The following SCD5 variants were observed in gnomAD, a reference collection of about 807,000 sequenced individuals.
The protein encoded by SCD5 is stearoyl-CoA desaturase 5.
Under a neutral mutation model 30.4 loss-of-function variants are expected in SCD5, and 20 were observed. The observed-to-expected ratio is 0.66, with a 90% CI of 0.46 to 0.96. The LOEUF (loss-of-function observed/expected upper bound fraction) is 0.96, where lower values mean the gene tolerates loss of function less well. Among genes scored for constraint, SCD5 ranks in the 40% least tolerant of loss-of-function variants. The pLI is 0.00. For missense variants in SCD5, 381 were observed against 443.3 expected (o/e 0.86, Z 1.26); for synonymous variants, 173 against 176.4 (o/e 0.98, Z 0.16).
intron 1 of SCD5, among the ~76,000 whole-genome samples, chr4:82,761,631 C>A (rs1336986692): frequency 6.6e-6 from 1 of 151,690 alleles, no homozygotes; most frequent in Non-Finnish European, 1.5e-5. Flanking sequence ...GCACATTGTG[C>A]AGGTTAGTTA....
chr4:82,679,258 A>G lies in SCD5; in HGVS notation c.569+1449T>C, dbSNP rs796669840. ...AAAGAAAGAAAGAAAGAAAGAAAGA[A>G]AGAAGGAAGGAAAGAAAGAAAGAAG... is the stretch of plus-strand genomic sequence containing the variant. On this transcript the variant is annotated intron_variant, in intron 3 of 4. Transcript: ENST00000319540. 8.3e-5 allele frequency among the ~76,000 whole-genome samples: 10 copies of G among 120,190 alleles called. 1 individual carries two copies. The highest frequency in any genetic ancestry group is 3.7e-4 in the East Asian group (1 of 2,732). The allele number at this position is 120,190 out of a possible 152,430, so 78.8% of individuals were successfully genotyped here.
chr4:82,688,028 C>A (rs1307188624), intron 2 of SCD5, among the ~76,000 whole-genome samples: 1 of 152,166 alleles, frequency 6.6e-6, no homozygotes, highest in East Asian at 1.9e-4. Context: ...CCTAGCCTAG[C>A]TGGAAACAGT....
chr4:82,669,774 T>C (rs911921244), intron 3 of SCD5, among the ~76,000 whole-genome samples: 1 of 152,200 alleles, frequency 6.6e-6, no homozygotes, highest in African/African-American at 2.4e-5. Flanking sequence ...TACCAGAGTA[T>C]TCTGTTCTTA....
intron 1 of SCD5, among the ~76,000 whole-genome samples, chr4:82,777,695 G>C (rs541522483): frequency 6.6e-6 from 1 of 152,276 alleles, no homozygotes; most frequent in East Asian, 1.9e-4. Flanking sequence ...CTGCTTCTGG[G>C]AAAGTATCTT....
intron 3 of SCD5, among the ~76,000 whole-genome samples, chr4:82,641,000 A>G (rs1353569046): frequency 2.0e-5 from 3 of 152,194 alleles, no homozygotes; most frequent in African/African-American, 7.2e-5. Flanking sequence ...ACCTTGAATG[A>G]ATTATTTAAT....
chr4:82,664,230 C>G (rs1728113267), intron 3 of SCD5, among the ~76,000 whole-genome samples: 1 of 152,116 alleles, frequency 6.6e-6, no homozygotes, highest in African/African-American at 2.4e-5. Flanking sequence ...CTGTGGTGCA[C>G]TAAGGATAAT....
At chr4:82,769,205 C>T (rs992642502) in intron 1 of SCD5, among the ~76,000 whole-genome samples, 1 of 151,786 alleles carries the variant, frequency 6.6e-6, no homozygotes, top group Admixed American at 6.6e-5. Context: ...CCATTCCCAG[C>T]CACTGCCCTG....
At chr4:82,770,696 G>A (rs556596689) in intron 1 of SCD5, among the ~76,000 whole-genome samples, 3 of 152,328 alleles carry the variant, frequency 2.0e-5, no homozygotes, top group South Asian at 4.1e-4. Context: ...GGCTCTTACC[G>A]TTCCTATCTG....
chr4:82,746,632 C>A (rs1370041008), intron 1 of SCD5, among the ~76,000 whole-genome samples: 1 of 151,992 alleles, frequency 6.6e-6, no homozygotes, highest in Non-Finnish European at 1.5e-5. Context: ...TCTGGACAAA[C>A]AAAAGGTGAC....
intron 1 of SCD5, among the ~76,000 whole-genome samples, chr4:82,716,039 C>A (rs888548699): frequency 6.7e-6 from 1 of 149,158 alleles, no homozygotes; most frequent in Non-Finnish European, 1.5e-5. Context: ...TTGTTCAGTA[C>A]AATGATACCA....
intron 3 of SCD5, among the ~76,000 whole-genome samples, chr4:82,653,409 G>A (rs943375836): frequency 2.0e-5 from 3 of 152,108 alleles, no homozygotes. Flanking sequence ...ACATTAGAAG[G>A]TGTTTCCTAA....
chr4:82,722,491 T>C (rs1159170721), intron 1 of SCD5, among the ~76,000 whole-genome samples: 3 of 152,220 alleles, frequency 2.0e-5, no homozygotes, highest in Non-Finnish European at 4.4e-5. Flanking sequence ...CAGCTGGGCA[T>C]GGTAGCTCAC....
At chr4:82,786,825 A>C (rs1380982714) in intron 1 of SCD5, among the ~76,000 whole-genome samples, 1 of 151,242 alleles carries the variant, frequency 6.6e-6, no homozygotes, top group East Asian at 1.9e-4. Context: ...GGCAATCTTC[A>C]AAAACTTCCC....
intron 1 of SCD5, among the ~76,000 whole-genome samples, chr4:82,734,438 C>G (rs941177949): frequency 6.6e-6 from 1 of 152,188 alleles, no homozygotes; most frequent in African/African-American, 2.4e-5. Flanking sequence ...TACGTATAAT[C>G]GAGGAAATTT....
intron 1 of SCD5, among the ~76,000 whole-genome samples, chr4:82,785,642 G>T (rs779554449): frequency 6.6e-5 from 10 of 151,992 alleles, no homozygotes; most frequent in Non-Finnish European, 1.3e-4. Flanking sequence ...TGCTGCAGGG[G>T]GTCTTTCCCT....
At chr4:82,728,837 T>C (rs1321703222) in intron 1 of SCD5, among the ~76,000 whole-genome samples, 1 of 152,220 alleles carries the variant, frequency 6.6e-6, no homozygotes, top group Non-Finnish European at 1.5e-5. Flanking sequence ...TCTACTGCAA[T>C]GCCGTTGTCT....
rs148514176 is a variant in SCD5 at position 82,755,992 on chromosome 4, T to C, written c.232+42314A>G. 4.6e-3 allele frequency among the ~76,000 whole-genome samples: 707 copies of C among 152,324 alleles called. 2 individuals carry two copies. The highest frequency in any genetic ancestry group is 6.9e-3 in the African/African-American group (286 of 41,572). On this transcript the variant is annotated intron_variant, in intron 1 of 4. Transcript: ENST00000319540. ...ACCAGAATTTGTTTAAATCAAATTG[T>C]CATCTAAATGGAAAGCAGTATAGTG...
At chr4:82,653,446 C>T (rs1727796392) in intron 3 of SCD5, among the ~76,000 whole-genome samples, 2 of 152,140 alleles carry the variant, frequency 1.3e-5, no homozygotes, top group African/African-American at 4.8e-5. Context: ...TCTCTGGAAA[C>T]ACTTGACCTT....
chr4:82,702,130 C>CTTTTTTTTTTTT lies in SCD5; in HGVS notation c.363+3141_363+3152dup, dbSNP rs10701664. On this transcript the variant is annotated intron_variant, in intron 2 of 4. Transcript: ENST00000319540. ...TCAGGCATTCCTGCCCCATCATCAT[C>CTTTTTTTTTTTT]TTTTTTTTTTTTTTTTTTTTTTTTT... Among the ~76,000 whole-genome samples, 249 of 64,120 alleles carry CTTTTTTTTTTTT rather than the reference C, an allele frequency of 3.9e-3. 17 individuals carry two copies. Among genetic ancestry groups the CTTTTTTTTTTTT allele is most frequent in the East Asian group, 0.02 (23 of 1,146 alleles). 42.1% of individuals were successfully genotyped at this position (64,120 alleles called of 152,430 possible). A position where few individuals can be genotyped will look rare whatever the true frequency, so the allele number is the denominator to read the frequency against.
Sources: gnomAD v4.1 joint callset for allele counts (sites outside exome capture counted in the v4.1 genomes callset) on GRCh38, gnomAD v4.1.1 for gene constraint, MANE v1.5 for transcripts, NCBI Gene and HGNC (gene_info 2026-07-23, HGNC 2026-07-21) for gene names.